The following CERS6 variants were observed in gnomAD, a reference collection of about 807,000 sequenced individuals.
CERS6 encodes LAG1 homolog, ceramide synthase 6.
CERS6 carries 26 observed loss-of-function variants against 56.8 expected under a neutral mutation model. That is an observed-to-expected ratio of 0.46 (90% CI 0.34 to 0.63). The LOEUF is 0.63. Ranked by LOEUF, CERS6 falls within the 30% of genes least tolerant of loss-of-function variation. CERS6 has a pLI of 0.01. For missense variants in CERS6, 415 were observed against 467.5 expected (o/e 0.89, Z 1.04); for synonymous variants, 164 against 173.3 (o/e 0.95, Z 0.42).
chr2:168,583,771 CATT>C (rs1412093054), intron 3 of CERS6, among the ~76,000 whole-genome samples: 1 of 152,182 alleles, frequency 6.6e-6, no homozygotes, highest in African/African-American at 2.4e-5. Context: ...TCTGATGTAT[CATT>C]ATTTGTCATC....
intron 1 of CERS6, among the ~76,000 whole-genome samples, chr2:168,502,078 G>T (rs1694592916): frequency 6.6e-6 from 1 of 152,198 alleles, no homozygotes; most frequent in South Asian, 2.1e-4. Flanking sequence ...TACCTGGGTT[G>T]TACTGGGCCA....
chr2:168,698,844 T>C (rs1164346947), intron 6 of CERS6, among the ~76,000 whole-genome samples: 1 of 152,208 alleles, frequency 6.6e-6, no homozygotes, highest in African/African-American at 2.4e-5. Flanking sequence ...GTATATATTG[T>C]CAGTGTTTAG....
At chr2:168,517,096 G>T (rs991021952) in intron 1 of CERS6, among the ~76,000 whole-genome samples, 3 of 152,020 alleles carry the variant, frequency 2.0e-5, no homozygotes, top group African/African-American at 7.2e-5. Context: ...TCTTATAGGA[G>T]CCCAAATGGA....
intron 8 of CERS6, among the ~76,000 whole-genome samples, chr2:168,764,508 A>G (rs1684675357): frequency 6.6e-6 from 1 of 152,122 alleles, no homozygotes; most frequent in South Asian, 2.1e-4. Context: ...GGCATCATCA[A>G]AATGATGTAT....
At chr2:168,659,386 C>G (rs369105730) in intron 4 of CERS6, among the ~76,000 whole-genome samples, 2 of 152,178 alleles carry the variant, frequency 1.3e-5, no homozygotes, top group Non-Finnish European at 2.9e-5. Flanking sequence ...CTCTAGAAAT[C>G]TAAGCACTTC....
intron 1 of CERS6, among the ~76,000 whole-genome samples, chr2:168,504,929 A>G (rs1482519748): frequency 1.3e-5 from 2 of 152,168 alleles, no homozygotes; most frequent in African/African-American, 4.8e-5. Context: ...CATCAGTGTT[A>G]GATTTAGCCA....
chr2:168,582,456 A>G (rs947373882), intron 3 of CERS6, among the ~76,000 whole-genome samples: 1 of 152,032 alleles, frequency 6.6e-6, no homozygotes, highest in Non-Finnish European at 1.5e-5. Flanking sequence ...TTTTAAGTTG[A>G]GAAGTTTAGT....
chr2:168,663,549 C>T (rs1461763027), intron 4 of CERS6, among the ~76,000 whole-genome samples: 2 of 152,062 alleles, frequency 1.3e-5, no homozygotes, highest in Non-Finnish European at 2.9e-5. Flanking sequence ...AGCCCAGCCC[C>T]TATAATTTTA....
intron 1 of CERS6, among the ~76,000 whole-genome samples, chr2:168,510,339 AC>A: frequency 6.6e-6 from 1 of 152,312 alleles, no homozygotes; most frequent in East Asian, 1.9e-4. Context: ...TGCCCTATAA[AC>A]AGATGTACCA....
intron 8 of CERS6, among the ~76,000 whole-genome samples, chr2:168,733,122 A>G (rs762590330): frequency 2.4e-4 from 37 of 152,208 alleles, no homozygotes; most frequent in Non-Finnish European, 4.3e-4. Flanking sequence ...CAATAAAAGG[A>G]ATAAAATGGA....
At chr2:168,664,192 T>C (rs780560632) in intron 4 of CERS6, among the ~76,000 whole-genome samples, 1 of 152,210 alleles carries the variant, frequency 6.6e-6, no homozygotes, top group Non-Finnish European at 1.5e-5. Context: ...TAGGATGTTT[T>C]GGTGGTGAAT....
At chr2:168,515,777 A>C (rs1694874171) in intron 1 of CERS6, among the ~76,000 whole-genome samples, 1 of 152,232 alleles carries the variant, frequency 6.6e-6, no homozygotes, top group African/African-American at 2.4e-5. Flanking sequence ...TGTGCCAAGA[A>C]GAGAATCTGT....
At position 168,715,105 on chromosome 2, in the gene CERS6, T is replaced by C. The variant is rs1429358156; in HGVS notation, c.714T>C (p.His238=). ...TAGGAACGCTGGTCCTTTGTCTTCATGATTCAGCTGATGCTCTTCTGGAGG... is the reference window on the plus strand; with the variant it reads ...TAGGAACGCTGGTCCTTTGTCTTCACGATTCAGCTGATGCTCTTCTGGAGG... The part of the protein sequence containing the change: ...ARVGTLVLCL[H]DSADALLEAA... Residue 238 remains histidine (H), a synonymous_variant, in exon 7 of 10, where the codon CAT becomes CAC. Coordinates refer to ENST00000305747, the MANE Select transcript of CERS6 (RefSeq NM_203463.3). 6.2e-7 allele frequency: 1 copy of C among 1,612,218 alleles called. No individual in the cohort carries two copies. The highest frequency in any genetic ancestry group is 1.1e-5 in the South Asian group (1 of 90,654).
chr2:168,546,298 G>T (rs1291481011), intron 1 of CERS6, among the ~76,000 whole-genome samples: 2 of 152,176 alleles, frequency 1.3e-5, no homozygotes, highest in African/African-American at 4.8e-5. Flanking sequence ...GAAGTTTGGG[G>T]AAAACTCCAG....
At chr2:168,637,220 G>A (rs1258613467) in intron 4 of CERS6, among the ~76,000 whole-genome samples, 1 of 152,168 alleles carries the variant, frequency 6.6e-6, no homozygotes, top group Non-Finnish European at 1.5e-5. Context: ...GCTCACGCCT[G>A]TAATCCCAGC....
intron 8 of CERS6, 47 bp from the exon 9 acceptor site, chr2:168,765,545 G>C (rs768411240): frequency 6.3e-7 from 1 of 1,593,574 alleles, no homozygotes; most frequent in Non-Finnish European, 8.6e-7. Flanking sequence ...TCCTTGGAAA[G>C]CAAAGGAAAA....
chr2:168,493,617 A>G (rs558733729), intron 1 of CERS6, among the ~76,000 whole-genome samples: 37 of 152,224 alleles, frequency 2.4e-4, no homozygotes, highest in Admixed American at 1.7e-3. Context: ...CATATTAACA[A>G]TGTAATATGG....
At chr2:168,767,670 A>T (rs1453421385) in intron 9 of CERS6, among the ~76,000 whole-genome samples, 1 of 152,198 alleles carries the variant, frequency 6.6e-6, no homozygotes, top group Non-Finnish European at 1.5e-5. Flanking sequence ...TCCTGACCCC[A>T]CCCACCTGAG....
At chr2:168,652,622 A>G (rs1024157809) in intron 4 of CERS6, among the ~76,000 whole-genome samples, 2 of 150,916 alleles carry the variant, frequency 1.3e-5, no homozygotes, top group Admixed American at 6.6e-5. Context: ...TTTTTTTTTA[A>G]CCTTTCCTTA....
Sources: gnomAD v4.1 joint callset for allele counts (sites outside exome capture counted in the v4.1 genomes callset) on GRCh38, gnomAD v4.1.1 for gene constraint, MANE v1.5 for transcripts, NCBI Gene and HGNC (gene_info 2026-07-23, HGNC 2026-07-21) for gene names.